Variants in TUSC3 observed in about 807,000 individuals in gnomAD.
TUSC3 encodes tumor suppressor candidate 3.
In TUSC3, 45 loss-of-function variants were observed where a neutral mutation model predicts 44.8. The ratio of observed to expected loss-of-function variants is 1.00; its 90% CI spans 0.79 to 1.29. TUSC3 has a LOEUF of 1.29. Among genes scored for constraint, TUSC3 ranks in the 50% most tolerant of loss-of-function variants. The pLI is 0.00. For synonymous variants in TUSC3, 212 were observed against 152.9 expected, an observed-to-expected ratio of 1.39 and a Z score of -2.85; for missense variants, 519 against 437.9, an observed-to-expected ratio of 1.19 and a Z score of -1.65.
At chr8:15,706,818 G>A (rs1210441190) in intron 6 of TUSC3, among the ~76,000 whole-genome samples, 1 of 151,870 alleles carries the variant, frequency 6.6e-6, no homozygotes, top group Admixed American at 6.6e-5. Flanking sequence ...TAAAGTACTT[G>A]TAGAGAAGCA....
intron 1 of TUSC3, among the ~76,000 whole-genome samples, chr8:15,561,236 G>T: frequency 6.9e-6 from 1 of 143,900 alleles, no homozygotes; most frequent in African/African-American, 2.5e-5. Flanking sequence ...AGGACCCTCA[G>T]CTGCAGGTCT....
At chr8:15,757,455 T>C (rs920217215) in intron 9 of TUSC3, among the ~76,000 whole-genome samples, 1 of 152,180 alleles carries the variant, frequency 6.6e-6, no homozygotes, top group East Asian at 1.9e-4. Context: ...TTGCATTGAT[T>C]TGTACATCTT....
At chr8:15,588,230 T>C (rs545004861) in intron 1 of TUSC3, among the ~76,000 whole-genome samples, 1 of 152,288 alleles carries the variant, frequency 6.6e-6, no homozygotes, top group African/African-American at 2.4e-5. Context: ...GTATTTCTTA[T>C]TTTTTGTCAT....
chr8:15,450,155 TTAC>T (rs1800174821), intron 1 of TUSC3, among the ~76,000 whole-genome samples: 1 of 152,202 alleles, frequency 6.6e-6, no homozygotes, highest in Non-Finnish European at 1.5e-5. Context: ...GTGAGAGGCT[TTAC>T]TACTAACATT....
intron 2 of TUSC3, among the ~76,000 whole-genome samples, chr8:15,502,194 T>C (rs1048365260): frequency 6.6e-6 from 1 of 152,234 alleles, no homozygotes. Flanking sequence ...TTTTTGTCTT[T>C]CTTTGCGCAA....
At chr8:15,577,029 T>G (rs1282873389) in intron 1 of TUSC3, among the ~76,000 whole-genome samples, 2 of 142,204 alleles carry the variant, frequency 1.4e-5, no homozygotes, top group African/African-American at 2.6e-5. Flanking sequence ...TGGTATCTCA[T>G]TGTGGTTTTG....
chr8:15,491,013 G>T (rs1800801157), intron 2 of TUSC3, among the ~76,000 whole-genome samples: 1 of 152,212 alleles, frequency 6.6e-6, no homozygotes, highest in Non-Finnish European at 1.5e-5. Flanking sequence ...ACATACGGTT[G>T]CTTCCTTTTG....
chr8:15,519,542 C>T (rs1268014686), intron 2 of TUSC3, among the ~76,000 whole-genome samples: 1 of 152,106 alleles, frequency 6.6e-6, no homozygotes, highest in Non-Finnish European at 1.5e-5. Flanking sequence ...GCTCCTCCTC[C>T]TAGATTCTCA....
the TUSC3 span, among the ~76,000 whole-genome samples, chr8:15,825,467 G>A: frequency 4.6e-5 from 7 of 152,108 alleles, no homozygotes; most frequent in African/African-American, 1.4e-4. Flanking sequence ...GGAAAGACCT[G>A]TCCCAATGAT....
At chr8:15,690,124 A>G (rs1808834930) in intron 6 of TUSC3, among the ~76,000 whole-genome samples, 1 of 151,922 alleles carries the variant, frequency 6.6e-6, no homozygotes, top group African/African-American at 2.4e-5. Flanking sequence ...ACTAATTTAC[A>G]CTCCTACTGG....
At chr8:15,436,033 A>G (rs1470076953) in intron 1 of TUSC3, among the ~76,000 whole-genome samples, 2 of 152,150 alleles carry the variant, frequency 1.3e-5, no homozygotes, top group African/African-American at 2.4e-5. Flanking sequence ...TGAAGCCTTG[A>G]CTGAGGCTGG....
chr8:15,553,927 C>T (rs1802142561), intron 1 of TUSC3, among the ~76,000 whole-genome samples: 2 of 151,736 alleles, frequency 1.3e-5, no homozygotes, highest in Admixed American at 1.3e-4. Flanking sequence ...TTCCCCCATG[C>T]ATATGGTAGT....
intron 2 of TUSC3, among the ~76,000 whole-genome samples, chr8:15,522,597 C>T (rs1446869379): frequency 1.3e-5 from 2 of 151,532 alleles, no homozygotes; most frequent in African/African-American, 4.9e-5. Flanking sequence ...ACATGTGTTC[C>T]ACTGACCAGA....
At chr8:15,651,233 T>TAA (rs1806890612) in intron 3 of TUSC3, among the ~76,000 whole-genome samples, 1 of 152,214 alleles carries the variant, frequency 6.6e-6, no homozygotes, top group African/African-American at 2.4e-5. Flanking sequence ...TTCTGGCATT[T>TAA]AATTATAGGT....
At chr8:15,487,721 A>G (rs1800751836) in intron 2 of TUSC3, among the ~76,000 whole-genome samples, 1 of 152,168 alleles carries the variant, frequency 6.6e-6, no homozygotes, top group Non-Finnish European at 1.5e-5. Context: ...TAAAGTATTT[A>G]TTTGCAAACG....
chr8:15,433,101 C>G (rs1495093), intron 1 of TUSC3, among the ~76,000 whole-genome samples: 19,832 of 152,136 alleles, frequency 0.13, 1,765 homozygotes, highest in East Asian at 0.37. Context: ...TTTACTCTGT[C>G]CCTGCATTTG....
In TUSC3 at chr8:15,518,748, A is replaced by G. The variant is rs559169060; in HGVS notation, n.189+35265A>G. ...TGGTTTATGTAGGGGTACATTTAGT[A>G]TGTACTTAAAGGAGCATTTAAAGTT... On this transcript the variant is annotated intron_variant and non_coding_transcript_variant, in intron 2 of 5. Transcript: ENST00000503191. 3.0e-4 allele frequency among the ~76,000 whole-genome samples: 45 copies of G among 152,292 alleles called. 2 individuals carry two copies. In the South Asian group the frequency reaches 8.7e-3, roughly 29 times the overall value.
chr8:15,521,163 T>C (rs1458132231), intron 2 of TUSC3, among the ~76,000 whole-genome samples: 2 of 152,186 alleles, frequency 1.3e-5, no homozygotes, highest in Non-Finnish European at 2.9e-5. Context: ...AAGCTAATTT[T>C]CTGGCTCTTT....
At position 15,428,766 on chromosome 8, in the gene TUSC3, G is replaced by A. The variant is rs573972572; in HGVS notation, n.91+11461G>A. Among the ~76,000 whole-genome samples, 41 of 151,994 alleles carry A rather than the reference G, an allele frequency of 2.7e-4. No homozygotes were observed. The East Asian group carries it at 3.7e-3, about 14-fold the overall frequency. On this transcript the variant is annotated intron_variant and non_coding_transcript_variant, in intron 1 of 5. Transcript: ENST00000503191. ...TGTGTCTTTTGGCTGCATAAATGTCGTCTTTTGAGAAGTGTCTGTTCATAT... is the reference window on the plus strand; with the variant it reads ...TGTGTCTTTTGGCTGCATAAATGTCATCTTTTGAGAAGTGTCTGTTCATAT...
Sources: gnomAD v4.1 joint callset for allele counts (sites outside exome capture counted in the v4.1 genomes callset) on GRCh38, gnomAD v4.1.1 for gene constraint, MANE v1.5 for transcripts, NCBI Gene and HGNC (gene_info 2026-07-23, HGNC 2026-07-21) for gene names.